Variants in LRRC63 observed in about 807,000 individuals in gnomAD.
LRRC63 encodes the protein leucine rich repeat containing 63, also known as leucine-rich repeat-containing protein 63.
A neutral mutation model predicts 49.5 loss-of-function variants in LRRC63; 40 were observed. That is an observed-to-expected ratio of 0.81 (90% CI 0.63 to 1.05). The LOEUF (loss-of-function observed/expected upper bound fraction) is 1.05. Ranked by LOEUF, LRRC63 falls within the 50% of genes least tolerant of loss-of-function variation. The pLI is 0.00. For missense variants in LRRC63, 636 were observed against 663.1 expected (o/e 0.96, Z 0.45); for synonymous variants, 191 against 221.1 (o/e 0.86, Z 1.21).
At chr13:46,247,933 T>C (rs968027162) in intron 6 of LRRC63, among the ~76,000 whole-genome samples, 1 of 152,044 alleles carries the variant, frequency 6.6e-6, no homozygotes, top group African/African-American at 2.4e-5. Context: ...AGTATAATAA[T>C]GTATTGTTAG....
intron 7 of LRRC63, among the ~76,000 whole-genome samples, chr13:46,254,618 T>C (rs1036198617): frequency 3.7e-4 from 57 of 152,306 alleles, no homozygotes; most frequent in Non-Finnish European, 5.6e-4. Context: ...ATGAAATAAC[T>C]TCAGATAATC....
chr13:46,249,385 C>T (rs545273057), intron 6 of LRRC63, among the ~76,000 whole-genome samples: 1 of 151,724 alleles, frequency 6.6e-6, no homozygotes, highest in Non-Finnish European at 1.5e-5. Context: ...TTTACGTAGA[C>T]TTAACAAGAG....
chr13:46,227,246 T>G (rs1244304137), intron 2 of LRRC63, among the ~76,000 whole-genome samples: 1 of 152,196 alleles, frequency 6.6e-6, no homozygotes, highest in Admixed American at 6.5e-5. Flanking sequence ...TATCTCCCCT[T>G]CTCTCTACCA....
At chr13:46,267,084 C>A in intron 9 of LRRC63, 112 bp downstream of exon 9, 1 of 983,198 alleles carries the variant, frequency 1.0e-6, no homozygotes, top group Non-Finnish European at 1.4e-6. Context: ...CTCCATGACA[C>A]ACACAAAACC....
chr13:46,229,392 A>G (rs1176710434), intron 4 of LRRC63, among the ~76,000 whole-genome samples: 1 of 152,212 alleles, frequency 6.6e-6, no homozygotes, highest in Non-Finnish European at 1.5e-5. Context: ...GCGTGACTTG[A>G]GTAGAACTGG....
intron 4 of LRRC63, among the ~76,000 whole-genome samples, chr13:46,232,176 A>G (rs948886459): frequency 2.0e-5 from 3 of 152,306 alleles, no homozygotes; most frequent in African/African-American, 7.2e-5. Flanking sequence ...GCACCAAGCC[A>G]TAGGAGATCT....
intron 5 of LRRC63, among the ~76,000 whole-genome samples, chr13:46,237,085 G>A (rs1241066006): frequency 6.6e-6 from 1 of 152,022 alleles, no homozygotes; most frequent in African/African-American, 2.4e-5. Context: ...AATTAATGTG[G>A]CACACTACAG....
At chr13:46,224,211 A>C (rs1177249148) in intron 2 of LRRC63, among the ~76,000 whole-genome samples, 2 of 152,180 alleles carry the variant, frequency 1.3e-5, no homozygotes, top group Non-Finnish European at 2.9e-5. Flanking sequence ...TGATCACATT[A>C]TGTTGTCCCA....
At chr13:46,273,772 C>T (rs1047410436) in intron 9 of LRRC63, among the ~76,000 whole-genome samples, 3 of 151,698 alleles carry the variant, frequency 2.0e-5, no homozygotes, top group East Asian at 1.9e-4. Context: ...GTTAGCTGGG[C>T]GTGGTGGCAC....
At chr13:46,268,564 A>G (rs920999449) in intron 9 of LRRC63, among the ~76,000 whole-genome samples, 3 of 151,910 alleles carry the variant, frequency 2.0e-5, no homozygotes, top group African/African-American at 7.3e-5. Context: ...ACAAAAAACA[A>G]CAAATCAACT....
At chr13:46,224,756 T>C (rs2138388771) in intron 2 of LRRC63, among the ~76,000 whole-genome samples, 1 of 152,334 alleles carries the variant, frequency 6.6e-6, no homozygotes, top group South Asian at 2.1e-4. Flanking sequence ...ATCTGTGGTG[T>C]TGGTTGGGTA....
At chr13:46,213,802 G>T (rs2046166573) in intron 2 of LRRC63, among the ~76,000 whole-genome samples, 2 of 152,200 alleles carry the variant, frequency 1.3e-5, no homozygotes, top group South Asian at 4.1e-4. Flanking sequence ...CCAGAGGTTT[G>T]CAGGAACCTA....
At chr13:46,245,601 GTGTT>G (rs1394023215) in intron 5 of LRRC63, among the ~76,000 whole-genome samples, 1 of 152,038 alleles carries the variant, frequency 6.6e-6, no homozygotes, top group African/African-American at 2.4e-5. Flanking sequence ...AAAGCACTAA[GTGTT>G]TGGAAATCAA....
At chr13:46,244,069 G>A (rs1490333470) in intron 5 of LRRC63, among the ~76,000 whole-genome samples, 1 of 152,122 alleles carries the variant, frequency 6.6e-6, no homozygotes, top group Non-Finnish European at 1.5e-5. Flanking sequence ...ACCATAAGTG[G>A]TAAATAATCA....
At chr13:46,212,208 C>T (rs1238751776) in exon 1 of LRRC63, 1 of 152,318 alleles carries the variant, frequency 6.6e-6, no homozygotes, top group Non-Finnish European at 1.5e-5. Context: ...TCGTGTGGAA[C>T]ATATGACCAG....
rs1380095866 is a variant in LRRC63, at chr13:46,212,992, T to A, written c.-33-10T>A. On this transcript the variant is annotated splice_polypyrimidine_tract_variant and intron_variant, in intron 1 of 9. Coordinates refer to ENST00000595396, the Ensembl canonical transcript of LRRC63. ...TATTCAAAACCTTTTCAATTCTCAT[T>A]TAAACCAAGGATTATGAAAAACAGC... 1 of 1,322,814 alleles carries A rather than the reference T, an allele frequency of 7.6e-7. No individual in the cohort carries two copies. The highest frequency in any genetic ancestry group is 1.5e-5 in the African/African-American group (1 of 67,118). 81.9% of individuals were successfully genotyped at this position (1,322,814 alleles called of 1,614,324 possible). A position where few individuals can be genotyped will look rare whatever the true frequency, so the allele number is the denominator to read the frequency against.
At chr13:46,258,407 G>C (rs1183296640) in intron 7 of LRRC63, among the ~76,000 whole-genome samples, 3 of 151,158 alleles carry the variant, frequency 2.0e-5, no homozygotes, top group Non-Finnish European at 4.4e-5. Flanking sequence ...GGGATTACAG[G>C]CGTGAGCCCC....
At chr13:46,267,069 A>G in intron 9 of LRRC63, 97 bp downstream of exon 9, 4 of 1,141,440 alleles carry the variant, frequency 3.5e-6, no homozygotes, top group Non-Finnish European at 4.8e-6. Context: ...TAACATGCAC[A>G]CATACTCCAT....
chr13:46,252,430 C>G (rs2047407619), intron 7 of LRRC63, among the ~76,000 whole-genome samples: 1 of 152,030 alleles, frequency 6.6e-6, no homozygotes, highest in Admixed American at 6.6e-5. Flanking sequence ...AGCAATTGCA[C>G]TGATACACTT....
Sources: gnomAD v4.1 joint callset for allele counts (sites outside exome capture counted in the v4.1 genomes callset) on GRCh38, gnomAD v4.1.1 for gene constraint, MANE v1.5 for transcripts, NCBI Gene and HGNC (gene_info 2026-07-23, HGNC 2026-07-21) for gene names.